The following DOCK8 variants were observed in gnomAD, a reference collection of about 807,000 sequenced individuals.
DOCK8 encodes the protein dedicator of cytokinesis 8.
DOCK8 carries 141 observed loss-of-function variants against 245.6 expected under a neutral mutation model. The ratio of observed to expected loss-of-function variants is 0.57; its 90% confidence interval spans 0.50 to 0.66. The LOEUF is 0.66. Ranked by LOEUF, DOCK8 falls within the 30% of genes least tolerant of loss-of-function variation. The pLI, the probability that DOCK8 is intolerant of heterozygous loss-of-function variation, is 0.00. For synonymous variants in DOCK8, 1,168 were observed against 970.2 expected, an observed-to-expected ratio of 1.20 and a Z score of -3.79; for missense variants, 2,965 against 2,603.4, an observed-to-expected ratio of 1.14 and a Z score of -3.02.
At chr9:429,985 T>G (rs1297714374) in intron 36 of DOCK8, 131 bp downstream of exon 36, 1 of 1,126,166 alleles carries the variant, frequency 8.9e-7, no homozygotes, top group Non-Finnish European at 1.3e-6. Context: ...AAGAAACAAT[T>G]GAGTATGTAG....
chr9:445,193 A>G (rs2057215038), intron 43 of DOCK8, among the ~76,000 whole-genome samples: 1 of 152,228 alleles, frequency 6.6e-6, no homozygotes, highest in African/African-American at 2.4e-5. Context: ...TGATCTGTAC[A>G]TAGCACAAGC....
chr9:388,844 A>G (rs2131342261), intron 23 of DOCK8, among the ~76,000 whole-genome samples: 1 of 152,242 alleles, frequency 6.6e-6, no homozygotes, highest in East Asian at 1.9e-4. Flanking sequence ...ATGAGTCAAC[A>G]CACCTAGCCC....
intron 1 of DOCK8, among the ~76,000 whole-genome samples, chr9:265,562 A>T (rs993155849): frequency 5.3e-5 from 8 of 152,188 alleles, no homozygotes; most frequent in African/African-American, 1.9e-4. Context: ...AACATGTCAG[A>T]TTCAGGAAAA....
chr9:315,885 A>C (rs1246003987), intron 6 of DOCK8, among the ~76,000 whole-genome samples: 1 of 152,194 alleles, frequency 6.6e-6, no homozygotes, highest in Non-Finnish European at 1.5e-5. Flanking sequence ...GTTGTTTTCC[A>C]GTTAGGGAGA....
chr9:246,649 T>G (rs1004798463), intron 1 of DOCK8, among the ~76,000 whole-genome samples: 24 of 152,194 alleles, frequency 1.6e-4, no homozygotes, highest in Non-Finnish European at 4.4e-5. Context: ...GACAAAGACA[T>G]GTTTGAAAAA....
chr9:390,112 G>T (rs2054122623), intron 23 of DOCK8, among the ~76,000 whole-genome samples: 1 of 152,158 alleles, frequency 6.6e-6, no homozygotes, highest in Admixed American at 6.5e-5. Context: ...CTTGCACATG[G>T]TCACACAGAG....
At chr9:400,227 C>T (rs1473998007) in intron 26 of DOCK8, among the ~76,000 whole-genome samples, 7 of 110,988 alleles carry the variant, frequency 6.3e-5, no homozygotes, top group African/African-American at 2.3e-4. Context: ...TCACCACCAC[C>T]TCCACCATCA....
intron 11 of DOCK8, among the ~76,000 whole-genome samples, 154 bp from the exon 12 acceptor site, chr9:336,428 A>G (rs145890510): frequency 3.9e-5 from 6 of 152,336 alleles, no homozygotes; most frequent in Middle Eastern, 3.4e-3. Context: ...TAAGAAAGGT[A>G]GGGGCCAATG....
chr9:328,938 A>ATT, intron 9 of DOCK8, among the ~76,000 whole-genome samples: 3 of 82,630 alleles, frequency 3.6e-5, no homozygotes, highest in Admixed American at 1.3e-4. Flanking sequence ...GGTCTTATTG[A>ATT]TTCTTTTTTT....
chr9:447,468 A>G (rs2057300106), intron 44 of DOCK8, among the ~76,000 whole-genome samples: 1 of 152,088 alleles, frequency 6.6e-6, no homozygotes, highest in Non-Finnish European at 1.5e-5. Context: ...ATCCTTGTTA[A>G]ACAATTTGAG....
intron 14 of DOCK8, among the ~76,000 whole-genome samples, chr9:351,165 G>T (rs1316777943): frequency 6.6e-6 from 1 of 152,212 alleles, no homozygotes; most frequent in African/African-American, 2.4e-5. Context: ...GATTTGCCTA[G>T]TATGGTCTAC....
chr9:416,459 A>T (rs1304622590), intron 29 of DOCK8, among the ~76,000 whole-genome samples: 1 of 152,242 alleles, frequency 6.6e-6, no homozygotes, highest in Non-Finnish European at 1.5e-5. Context: ...AGAACTTTTC[A>T]ACATTTGGTC....
intron 22 of DOCK8, among the ~76,000 whole-genome samples, chr9:383,330 C>T (rs1351442996): frequency 2.0e-5 from 3 of 152,064 alleles, no homozygotes; most frequent in Non-Finnish European, 4.4e-5. Context: ...GTCAGGAGTT[C>T]GAGACCAGCC....
Position 442,743 on chromosome 9 carries a change from C to T in DOCK8, c.5491-684C>T, listed in dbSNP as rs74858373. ...TTGTTTACAAAGAGCCTGCAATTAC[C>T]AAGCAGGACTGGGGTCCTTTGAACT... On this transcript the variant is annotated intron_variant, in intron 42 of 47. Transcript: ENST00000432829. Among the ~76,000 whole-genome samples the T allele has an allele frequency of 5.6e-4, 85 of 152,070 alleles. 1 individual carries two copies. The highest frequency in any genetic ancestry group is 1.1e-3 in the Non-Finnish European group (72 of 68,040).
intron 46 of DOCK8, among the ~76,000 whole-genome samples, chr9:453,398 G>A (rs1587110398): frequency 6.6e-6 from 1 of 152,150 alleles, no homozygotes; most frequent in African/African-American, 2.4e-5. Flanking sequence ...TCTTTTAAAA[G>A]GCTAGAAAAA....
At chr9:300,316 C>A (rs2049477518) in intron 4 of DOCK8, among the ~76,000 whole-genome samples, 1 of 152,066 alleles carries the variant, frequency 6.6e-6, no homozygotes, top group African/African-American at 2.4e-5. Context: ...ACATTTCTTA[C>A]TTTATCTATC....
In DOCK8 at chr9:464,576, T is replaced by C. The variant is rs560834722; in HGVS notation, c.*357T>C. Reference sequence around the variant, plus strand: ...TTCCTCTGGCCCATATTTGAATTTATTGGAGTAACTCAAATTGCCTGAGGA... The same window carrying C: ...TTCCTCTGGCCCATATTTGAATTTACTGGAGTAACTCAAATTGCCTGAGGA... On this transcript the variant is annotated 3_prime_UTR_variant, in exon 48 of 48. Transcript: ENST00000432829. 4.9e-5 allele frequency: 16 copies of C among 323,316 alleles called. No individual in the cohort carries two copies. Among genetic ancestry groups the C allele is most frequent in the Admixed American group, 9.0e-5 (2 of 22,248 alleles). The allele number at this position is 323,316 out of a possible 1,614,324, so 20.0% of individuals were successfully genotyped here.
At position 391,139 on chromosome 9, in the gene DOCK8, C is replaced by T. The variant is rs892183562; in HGVS notation, c.2970+573C>T. On this transcript the variant is annotated intron_variant, in intron 24 of 47. Coordinates refer to ENST00000432829, the MANE Select transcript of DOCK8 (RefSeq NM_203447.4). ...CTCACAGCCTTTTCCAGATTCTCTTCCTGCTCCCTAACTTTCACCTCCGCA... is the reference window on the plus strand; with the variant it reads ...CTCACAGCCTTTTCCAGATTCTCTTTCTGCTCCCTAACTTTCACCTCCGCA... 7.2e-5 allele frequency among the ~76,000 whole-genome samples: 11 copies of T among 152,154 alleles called. 1 individual carries two copies. Among genetic ancestry groups the T allele is most frequent in the Admixed American group, 6.5e-4 (10 of 15,270 alleles).
chr9:384,408 C>T (rs1438058101), intron 22 of DOCK8, among the ~76,000 whole-genome samples: 1 of 152,168 alleles, frequency 6.6e-6, no homozygotes, highest in Middle Eastern at 3.2e-3. Flanking sequence ...GGTTTAGACA[C>T]AGACACAGTT....
Sources: allele counts gnomAD v4.1 joint callset (sites outside exome capture counted in the v4.1 genomes callset), GRCh38; gene constraint gnomAD v4.1.1; transcripts MANE v1.5; gene names NCBI Gene and HGNC (gene_info 2026-07-23, HGNC 2026-07-21).